Variants in OTOG observed in about 807,000 individuals in gnomAD.
The protein encoded by OTOG is otogelin.
OTOG carries 296 observed loss-of-function variants against 313.8 expected under a neutral mutation model. The observed-to-expected ratio is 0.94, with a 90% CI of 0.86 to 1.04. OTOG has a LOEUF of 1.04. Among genes scored for constraint, OTOG ranks in the 50% least tolerant of loss-of-function variants. The pLI is 0.00. For missense variants in OTOG, 3,948 were observed against 3,840.1 expected, an observed-to-expected ratio of 1.03 and a Z score of -0.74; for synonymous variants, 1,533 against 1,554.9, an observed-to-expected ratio of 0.99 and a Z score of 0.33.
chr11:17,551,920 C>A, intron 3 of OTOG, 80 bp from the exon 4 acceptor site: 1 of 1,267,952 alleles, frequency 7.9e-7, no homozygotes. Context: ...ACAAAGAGGG[C>A]TGTGGCCACC....
At chr11:17,582,744 A>G (rs1852700324) in intron 23 of OTOG, among the ~76,000 whole-genome samples, 1 of 152,122 alleles carries the variant, frequency 6.6e-6, no homozygotes, top group South Asian at 2.1e-4. Context: ...CTTATTGGCC[A>G]TTCGTGTATC....
Position 17,578,519 on chromosome 11 carries a change from C to T in OTOG, c.2752C>T (p.Pro918Ser). ...RGPCLSGCAC[P>S]QGLLRHGDAC... is the part of the protein sequence containing the mutation. ...CCCCTGCCTCTCGGGCTGCGCCTGT[C>T]CCCAGGGGTAAGTACCCATGGTGTC... The change falls in exon 23 of 56, where the codon CCC (proline) becomes TCC (serine). Residue 918 changes from proline to serine, a missense_variant. By Grantham distance (74) the Pro-to-Ser change is moderately conservative (BLOSUM62 -1). Coordinates refer to ENST00000399397, the MANE Select transcript of OTOG (RefSeq NM_001292063.2). The T allele has an allele frequency of 2.0e-6, 3 of 1,533,936 alleles. No homozygotes were observed. The highest frequency in any genetic ancestry group is 2.6e-6 in the Non-Finnish European group (3 of 1,144,908).
At chr11:17,572,720 T>G (rs932254678) in intron 18 of OTOG, among the ~76,000 whole-genome samples, 7 of 152,248 alleles carry the variant, frequency 4.6e-5, no homozygotes, top group African/African-American at 9.6e-5. Flanking sequence ...CCTGACTGCC[T>G]GAATTCAAAT....
In OTOG at chr11:17,576,901, C is replaced by A. The variant is rs1852542430; in HGVS notation, c.2595C>A (p.Ser865Arg). Residue 865 changes from serine (S) to arginine (R), a missense_variant, in exon 22 of 56, where the codon AGC (serine) becomes AGA (arginine). Coordinates refer to ENST00000399397, the MANE Select transcript of OTOG (RefSeq NM_001292063.2). ...AAGATGGAGTCATGAGCTGTGATAG[C>A]AGAGCCCCAGGTAAGGGTGGGTGGA... Reference protein sequence around the residue: ...HCKDGVMSCDSRAPAAACPAG... With the variant: ...HCKDGVMSCDRRAPAAACPAG... 6.5e-7 allele frequency: 1 copy of A among 1,550,358 alleles called. No individual in the cohort carries two copies. Among genetic ancestry groups the A allele is most frequent in the Non-Finnish European group, 8.7e-7 (1 of 1,146,970 alleles).
rs1408187809 is a variant in OTOG at position 17,599,802 on chromosome 11, G to A, written c.3709+105G>A. 5.9e-6 allele frequency: 8 copies of A among 1,366,390 alleles called. No homozygotes were observed. In the Admixed American group the frequency reaches 6.0e-5, roughly 10 times the overall value. 84.6% of individuals were successfully genotyped at this position (1,366,390 alleles called of 1,614,324 possible). A position where few individuals can be genotyped will look rare whatever the true frequency, so the allele number is the denominator to read the frequency against. Reference sequence around the variant, plus strand: ...TCCCGAGGCGCTGCTGGCCCTGGAAGAGCCGTGACCCGGAATGGGAGGGCC... The same window carrying A: ...TCCCGAGGCGCTGCTGGCCCTGGAAAAGCCGTGACCCGGAATGGGAGGGCC... On this transcript the variant is annotated intron_variant, in intron 31 of 55. Transcript: ENST00000399397.
At chr11:17,547,765 G>C (rs1349202817) in intron 1 of OTOG, among the ~76,000 whole-genome samples, 162 bp from the exon 2 acceptor site, 1 of 152,130 alleles carries the variant, frequency 6.6e-6, no homozygotes, top group Non-Finnish European at 1.5e-5. Flanking sequence ...GCTGGAGAAG[G>C]GTCATCAGGA....
At chr11:17,640,643 C>T (rs572997191) in intron 49 of OTOG, 102 bp from the exon 50 acceptor site, 1 of 1,270,600 alleles carries the variant, frequency 7.9e-7, no homozygotes. Context: ...TCCTGCCCAC[C>T]ACAGGGAGGG....
Position 17,610,216 on chromosome 11 carries a change from T to C in OTOG, c.4916T>C (p.Leu1639Ser), listed in dbSNP as rs1338791897. 1 of 1,550,398 alleles carries C rather than the reference T, an allele frequency of 6.4e-7. No homozygotes were observed. Among genetic ancestry groups the C allele is most frequent in the Admixed American group, 2.0e-5 (1 of 50,988 alleles). The change falls in exon 36 of 56, where the codon TTG becomes TCG. Residue 1639 changes from leucine to serine, a missense_variant. Transcript: ENST00000399397. ...AGGACGACACCCCCACAGCCCTCCTTGACAGCAAGTCCCTCCTCCAGACCT... is the reference window on the plus strand; with the variant it reads ...AGGACGACACCCCCACAGCCCTCCTCGACAGCAAGTCCCTCCTCCAGACCT... The part of the protein sequence containing the change: ...PVRTTPPQPS[L>S]TASPSSRPVA...
chr11:17,637,139 C>T (rs569775068), intron 47 of OTOG, among the ~76,000 whole-genome samples: 1 of 152,300 alleles, frequency 6.6e-6, no homozygotes, highest in South Asian at 2.1e-4. Flanking sequence ...ACTGCCAATG[C>T]TTTAGTGGAT....
chr11:17,643,857 C>T (rs948379880), intron 54 of OTOG, among the ~76,000 whole-genome samples: 7 of 152,226 alleles, frequency 4.6e-5, no homozygotes, highest in Admixed American at 2.0e-4. Flanking sequence ...TAAATTCTCC[C>T]GTAGTCAGAC....
intron 23 of OTOG, among the ~76,000 whole-genome samples, chr11:17,579,595 A>G (rs1418754244): frequency 1.3e-5 from 2 of 152,218 alleles, no homozygotes; most frequent in African/African-American, 2.4e-5. Flanking sequence ...CTTCCAGGCA[A>G]GTGTCTGAAA....
chr11:17,568,676 G>A (rs1852340735), intron 15 of OTOG, among the ~76,000 whole-genome samples: 2 of 152,218 alleles, frequency 1.3e-5, no homozygotes, highest in East Asian at 1.9e-4. Flanking sequence ...AAGGGGCCCA[G>A]TGTGTGACCA....
chr11:17,555,122 T>G (rs1024502956), intron 6 of OTOG, among the ~76,000 whole-genome samples: 2 of 152,108 alleles, frequency 1.3e-5, no homozygotes, highest in South Asian at 2.1e-4. Flanking sequence ...GGATAAGCTC[T>G]GGGAAGCTCT....
intron 47 of OTOG, among the ~76,000 whole-genome samples, chr11:17,636,307 A>G (rs1021035607): frequency 1.7e-4 from 26 of 152,202 alleles, no homozygotes; most frequent in Admixed American, 2.0e-4. Context: ...TAGTACCTCA[A>G]TAGTAACTGT....
At chr11:17,645,078 G>T (rs2133727807) in intron 54 of OTOG, among the ~76,000 whole-genome samples, 1 of 152,304 alleles carries the variant, frequency 6.6e-6, no homozygotes, top group Non-Finnish European at 1.5e-5. Flanking sequence ...TGATAGCTAT[G>T]GAAACCAAAC....
rs1291311499 is a variant in OTOG at position 17,610,584 on chromosome 11, T to A, written c.5284T>A (p.Ser1762Thr). 1.2e-5 allele frequency: 18 copies of A among 1,550,202 alleles called. No homozygotes were observed. Among genetic ancestry groups the A allele is most frequent in the Middle Eastern group, 1.7e-4 (1 of 5,990 alleles). Residue 1762 changes from serine to threonine, a missense_variant, in exon 36 of 56, where the codon TCT (serine) becomes ACT (threonine). Physicochemically the swap from Ser to Thr is moderately conservative, Grantham distance 58 (BLOSUM62 1). Coordinates refer to ENST00000399397, the MANE Select transcript of OTOG (RefSeq NM_001292063.2). The stretch of plus-strand genomic sequence containing the variant: ...CCAGCATACCACCATGGCCACCAGG[T>A]CTCCAGCTCTGCCCCCAGAGACCCC... ...PAQHTTMATR[S>T]PALPPETPAA...
At chr11:17,558,385 G>C (rs972769894) in intron 9 of OTOG, 70 bp downstream of exon 9, 1 of 1,535,734 alleles carries the variant, frequency 6.5e-7, no homozygotes, top group Non-Finnish European at 8.8e-7. Context: ...GAAAGCCACT[G>C]GCTGTGGCAC....
At chr11:17,643,336 G>A in intron 53 of OTOG, 125 bp from the exon 54 acceptor site, 1 of 611,224 alleles carries the variant, frequency 1.6e-6, no homozygotes. Context: ...CTATGCTCCT[G>A]CCCTGGGGCA....
At chr11:17,563,156 G>A (rs1229395367) in intron 15 of OTOG, among the ~76,000 whole-genome samples, 1 of 152,228 alleles carries the variant, frequency 6.6e-6, no homozygotes, top group African/African-American at 2.4e-5. Flanking sequence ...TGCAAGTCTG[G>A]GGTAGATGGG....
Sources: allele counts gnomAD v4.1 joint callset (sites outside exome capture counted in the v4.1 genomes callset), GRCh38; gene constraint gnomAD v4.1.1; transcripts MANE v1.5; gene names NCBI Gene and HGNC (gene_info 2026-07-23, HGNC 2026-07-21).